Variants in HDAC9 observed in about 807,000 individuals in gnomAD.
HDAC9 encodes the protein MEF-2 interacting transcription repressor (MITR) protein.
A neutral mutation model predicts 139.4 loss-of-function variants in HDAC9; 41 were observed. The ratio of observed to expected loss-of-function variants is 0.29; its 90% CI spans 0.23 to 0.38. The LOEUF is 0.38. Among genes scored for constraint, HDAC9 ranks in the 10% least tolerant of loss-of-function variants. The pLI, the probability that HDAC9 is intolerant of heterozygous loss-of-function variation, is 1.00. For synonymous variants in HDAC9, 517 were observed against 476.2 expected, an observed-to-expected ratio of 1.09 and a Z score of -1.12; for missense variants, 1,147 against 1,297.0, an observed-to-expected ratio of 0.88 and a Z score of 1.78.
intron 1 of HDAC9, among the ~76,000 whole-genome samples, chr7:18,382,846 G>A (rs1785559490): frequency 6.6e-6 from 1 of 152,078 alleles, no homozygotes; most frequent in Non-Finnish European, 1.5e-5. Context: ...GAAACTTAAG[G>A]AAGTATAGAA....
Position 18,958,639 on chromosome 7 carries a change from A to G in HDAC9, c.3022+4409A>G, listed in dbSNP as rs541806684. ...TGTTTTTAATTGCCGTATCTTTTGC[A>G]CAGTCTCTGGCATGTATTAGGTGCT... On this transcript the variant is annotated intron_variant, in intron 24 of 25. Transcript: ENST00000686413. Among the ~76,000 whole-genome samples the G allele has an allele frequency of 4.6e-5, 7 of 152,298 alleles. No individual in the cohort carries two copies. In the South Asian group the frequency reaches 1.4e-3, roughly 32 times the overall value.
intron 11 of HDAC9, among the ~76,000 whole-genome samples, chr7:18,653,482 G>A (rs758842635): frequency 6.6e-6 from 1 of 151,836 alleles, no homozygotes; most frequent in African/African-American, 2.4e-5. Context: ...CTGGCTATCA[G>A]CCAACACTTT....
At chr7:18,707,604 G>A (rs1784028361) in intron 12 of HDAC9, among the ~76,000 whole-genome samples, 1 of 152,072 alleles carries the variant, frequency 6.6e-6, no homozygotes, top group Non-Finnish European at 1.5e-5. Flanking sequence ...TATGACACCT[G>A]CTCTTTTTTT....
intron 11 of HDAC9, among the ~76,000 whole-genome samples, chr7:18,665,934 A>G (rs962124824): frequency 3.3e-5 from 5 of 152,082 alleles, no homozygotes; most frequent in Non-Finnish European, 7.4e-5. Context: ...TTTCTACACC[A>G]TGTTCTAACT....
intron 2 of HDAC9, among the ~76,000 whole-genome samples, chr7:18,217,023 C>T (rs1343630559): frequency 1.3e-5 from 2 of 151,996 alleles, no homozygotes; most frequent in East Asian, 1.9e-4. Context: ...TTAAAAAATT[C>T]CATATTTTTC....
chr7:18,613,089 TTC>T (rs985574145), intron 6 of HDAC9, among the ~76,000 whole-genome samples: 74 of 148,132 alleles, frequency 5.0e-4, no homozygotes, highest in African/African-American at 1.7e-3. Flanking sequence ...ATATTTATAT[TTC>T]TCTTTTATAT....
chr7:18,797,865 C>CTTTAAACATGCTTT (rs1407327481), intron 17 of HDAC9, among the ~76,000 whole-genome samples: 5 of 151,866 alleles, frequency 3.3e-5, no homozygotes, highest in Admixed American at 2.6e-4. Context: ...TTGTTAATAG[C>CTTTAAACATGCTTT]TTTAAACATG....
At position 18,274,731 on chromosome 7, in the gene HDAC9, C is replaced by T. The variant is rs115225312; in HGVS notation, c.25+112382C>T. On this transcript the variant is annotated intron_variant, in intron 2 of 12. Coordinates refer to the HDAC9 transcript ENST00000417496. ...TTGACATATTGTCATGGACAAATCT[C>T]AAAAATATGTTTAGGAAAAATAAGT... Among the ~76,000 whole-genome samples, 1,026 of 152,178 alleles carry T rather than the reference C, an allele frequency of 6.7e-3. 8 individuals carry two copies. Among genetic ancestry groups the T allele is most frequent in the African/African-American group, 0.023 (973 of 41,524 alleles).
intron 1 of HDAC9, among the ~76,000 whole-genome samples, chr7:18,433,505 C>G (rs1790876133): frequency 6.6e-6 from 1 of 152,068 alleles, no homozygotes; most frequent in Non-Finnish European, 1.5e-5. Flanking sequence ...AAGCTATAGT[C>G]TCTGCTCAAA....
intron 6 of HDAC9, among the ~76,000 whole-genome samples, chr7:18,615,995 T>A (rs1838477016): frequency 6.6e-6 from 1 of 152,154 alleles, no homozygotes. Context: ...ATCCCTCTCC[T>A]TGTTTATTCT....
At chr7:18,666,184 A>C in intron 11 of HDAC9, 29 bp from the exon 12 acceptor site, 1 of 1,562,554 alleles carries the variant, frequency 6.4e-7, no homozygotes, top group South Asian at 1.2e-5. Flanking sequence ...GAACTACTGA[A>C]TTTTGAACCC....
intron 8 of HDAC9, among the ~76,000 whole-genome samples, chr7:18,642,493 T>C (rs908483658): frequency 1.3e-5 from 2 of 152,026 alleles, no homozygotes; most frequent in African/African-American, 2.4e-5. Flanking sequence ...GGAAGCAAAA[T>C]TGGGGAAATG....
intron 22 of HDAC9, among the ~76,000 whole-genome samples, chr7:18,880,520 G>A (rs1799656357): frequency 6.6e-6 from 1 of 152,082 alleles, no homozygotes; most frequent in South Asian, 2.1e-4. Flanking sequence ...GATGGAGCTG[G>A]AGGCTATTAT....
chr7:18,762,781 C>G (rs972811618), intron 15 of HDAC9, among the ~76,000 whole-genome samples: 3 of 152,072 alleles, frequency 2.0e-5, no homozygotes, highest in African/African-American at 7.2e-5. Flanking sequence ...TATTGCCTTA[C>G]CTTTGGAATT....
At chr7:18,189,456 TTTTGTTTG>T (rs139878468) in intron 2 of HDAC9, among the ~76,000 whole-genome samples, 3,990 of 152,118 alleles carry the variant, frequency 0.026, 60 homozygotes, top group East Asian at 0.041. Flanking sequence ...TGTATCCTGT[TTTTGTTTG>T]TTTGTTTGTT....
intron 2 of HDAC9, among the ~76,000 whole-genome samples, chr7:18,188,319 C>G (rs574959253): frequency 6.6e-6 from 1 of 151,782 alleles, no homozygotes; most frequent in African/African-American, 2.4e-5. Context: ...AAACTGGACC[C>G]CTTCCTTACA....
intron 6 of HDAC9, among the ~76,000 whole-genome samples, chr7:18,619,063 CTT>C (rs1348880529): frequency 6.6e-6 from 1 of 151,780 alleles, no homozygotes; most frequent in Non-Finnish European, 1.5e-5. Flanking sequence ...TTAAATTTGT[CTT>C]AGGTAAATAA....
intron 25 of HDAC9, 100 bp downstream of exon 25, chr7:18,976,053 C>G (rs1009694016): frequency 4.2e-6 from 5 of 1,200,362 alleles, no homozygotes; most frequent in Non-Finnish European, 5.9e-6. Flanking sequence ...CCTGTCTCCT[C>G]CACTTCCACC....
At chr7:18,141,859 C>T (rs982665046) in intron 1 of HDAC9, among the ~76,000 whole-genome samples, 3 of 151,974 alleles carry the variant, frequency 2.0e-5, no homozygotes, top group Admixed American at 6.6e-5. Context: ...TGTCTTAGAG[C>T]AGGACCAAGA....
Sources: gnomAD v4.1 joint callset for allele counts (sites outside exome capture counted in the v4.1 genomes callset) on GRCh38, gnomAD v4.1.1 for gene constraint, MANE v1.5 for transcripts, NCBI Gene and HGNC (gene_info 2026-07-23, HGNC 2026-07-21) for gene names.